Variants in DLGAP2 observed in about 807,000 individuals in gnomAD.
DLGAP2 encodes the protein disks large-associated protein 2.
A neutral mutation model predicts 100.3 loss-of-function variants in DLGAP2; 26 were observed. The ratio of observed to expected loss-of-function variants is 0.26; its 90% confidence interval spans 0.19 to 0.36. DLGAP2 has a LOEUF of 0.36. Ranked by LOEUF, DLGAP2 falls within the 10% of genes least tolerant of loss-of-function variation. DLGAP2 has a pLI of 1.00. For synonymous variants in DLGAP2, 886 were observed against 630.1 expected (o/e 1.41, Z -6.08); for missense variants, 1,858 against 1,453.2 (o/e 1.28, Z -4.53).
intron 2 of DLGAP2, among the ~76,000 whole-genome samples, chr8:1,057,579 G>T (rs1316772186): frequency 6.6e-6 from 1 of 152,142 alleles, no homozygotes; most frequent in Non-Finnish European, 1.5e-5. Context: ...TCTATCTATG[G>T]AAGAAGATTA....
At chr8:763,377 A>G (rs73181007) in intron 1 of DLGAP2, among the ~76,000 whole-genome samples, 25,323 of 152,262 alleles carry the variant, frequency 0.17, 2,579 homozygotes, top group South Asian at 0.26. Context: ...CTCCATGGTT[A>G]TCAGAAAAAC....
At chr8:1,342,529 G>C (rs1585278327) in intron 3 of DLGAP2, among the ~76,000 whole-genome samples, 1 of 152,208 alleles carries the variant, frequency 6.6e-6, no homozygotes. Flanking sequence ...GGGCCGTGCG[G>C]CTCAGTCGCA....
intron 1 of DLGAP2, among the ~76,000 whole-genome samples, chr8:860,806 G>A (rs943748203): frequency 6.6e-6 from 1 of 152,192 alleles, no homozygotes; most frequent in African/African-American, 2.4e-5. Flanking sequence ...CGGGGAGTCA[G>A]TGAGAAAGAC....
intron 3 of DLGAP2, among the ~76,000 whole-genome samples, chr8:1,370,216 C>T (rs1802204863): frequency 6.6e-6 from 1 of 152,144 alleles, no homozygotes; most frequent in Non-Finnish European, 1.5e-5. Context: ...GAGTGGCCGA[C>T]TCTGAAGGCA....
chr8:1,000,653 G>T (rs867269572), intron 2 of DLGAP2, among the ~76,000 whole-genome samples: 1 of 152,178 alleles, frequency 6.6e-6, no homozygotes, highest in Non-Finnish European at 1.5e-5. Flanking sequence ...TTTTCCTCTT[G>T]GTTATGAACT....
Position 977,805 on chromosome 8 carries a change from G to C in DLGAP2, c.73+69839G>C, listed in dbSNP as rs75508396. Reference sequence around the variant, plus strand: ...GCGTCGGGGATGCAGTGAGGTGCTGGGTTCTGGTCTTTGGTGTTGTGGGGA... The same window carrying C: ...GCGTCGGGGATGCAGTGAGGTGCTGCGTTCTGGTCTTTGGTGTTGTGGGGA... On this transcript the variant is annotated intron_variant, in intron 2 of 14. Coordinates refer to ENST00000637795, the MANE Select transcript of DLGAP2 (RefSeq NM_001346810.2). 7.4e-3 allele frequency among the ~76,000 whole-genome samples: 467 copies of C among 62,786 alleles called. 1 individual carries two copies. Among genetic ancestry groups the C allele is most frequent in the African/African-American group, 0.01 (203 of 19,988 alleles). The allele number at this position is 62,786 out of a possible 152,430, so 41.2% of individuals were successfully genotyped here.
intron 2 of DLGAP2, among the ~76,000 whole-genome samples, chr8:1,095,345 T>C (rs1324792229): frequency 6.6e-6 from 1 of 152,192 alleles, no homozygotes; most frequent in Non-Finnish European, 1.5e-5. Context: ...CTGCAGACCC[T>C]GGACACGAGG....
At chr8:1,509,327 C>CTAAAAAAA (rs769352573) in intron 4 of DLGAP2, among the ~76,000 whole-genome samples, 1,336 of 77,238 alleles carry the variant, frequency 0.017, 39 homozygotes, top group African/African-American at 0.058. Flanking sequence ...AAGACTCCGT[C>CTAAAAAAA]CAAAAAAAAA....
intron 4 of DLGAP2, among the ~76,000 whole-genome samples, chr8:1,520,022 C>T (rs10096551): frequency 0.53 from 80,004 of 152,118 alleles, 21,740 homozygotes; most frequent in South Asian, 0.64. Flanking sequence ...TGTGGGCCAT[C>T]GCTGTTGGCT....
At chr8:1,674,293 C>T (rs1217031425) in intron 10 of DLGAP2, among the ~76,000 whole-genome samples, 1 of 152,188 alleles carries the variant, frequency 6.6e-6, no homozygotes, top group Non-Finnish European at 1.5e-5. Flanking sequence ...GATCCTCCTG[C>T]CACAGCCTCC....
At chr8:1,501,493 C>A in intron 4 of DLGAP2, 62 bp downstream of exon 4, 2 of 1,472,950 alleles carry the variant, frequency 1.4e-6, no homozygotes, top group South Asian at 1.2e-5. Context: ...ATGCTCCGGG[C>A]ACCTCCCATC....
intron 2 of DLGAP2, among the ~76,000 whole-genome samples, chr8:1,151,096 A>G (rs1477853936): frequency 6.6e-6 from 1 of 152,022 alleles, no homozygotes; most frequent in African/African-American, 2.4e-5. Flanking sequence ...TTTCATTAAC[A>G]TTTTTTCAGA....
chr8:1,173,316 G>C (rs1178773612), intron 2 of DLGAP2, among the ~76,000 whole-genome samples: 1 of 152,228 alleles, frequency 6.6e-6, no homozygotes, highest in African/African-American at 2.4e-5. Flanking sequence ...CAGTTAGGCT[G>C]CTCAGGGGTC....
chr8:834,168 C>G (rs906317425), intron 1 of DLGAP2, among the ~76,000 whole-genome samples: 1 of 152,216 alleles, frequency 6.6e-6, no homozygotes, highest in African/African-American at 2.4e-5. Context: ...CATTTTGTGT[C>G]TCCACTCATG....
intron 12 of DLGAP2, 158 bp downstream of exon 12, chr8:1,678,787 G>T (rs1382076055): frequency 7.5e-6 from 6 of 798,878 alleles, no homozygotes; most frequent in African/African-American, 7.1e-5. Flanking sequence ...TCTAAGAAAA[G>T]ATATAAATTA....
chr8:738,359 G>C (rs1327727412), intron 1 of DLGAP2, among the ~76,000 whole-genome samples: 1 of 152,038 alleles, frequency 6.6e-6, no homozygotes, highest in African/African-American at 2.4e-5. Context: ...GGGGCGACCA[G>C]GATGGGGCCC....
intron 2 of DLGAP2, among the ~76,000 whole-genome samples, chr8:1,233,576 T>C (rs938850199): frequency 7.2e-5 from 11 of 152,152 alleles, no homozygotes; most frequent in Non-Finnish European, 1.3e-4. Context: ...GGGGACCTGA[T>C]GCAAGGGGCG....
intron 1 of DLGAP2, among the ~76,000 whole-genome samples, chr8:797,608 G>T (rs1796062387): frequency 6.6e-6 from 1 of 152,150 alleles, no homozygotes; most frequent in South Asian, 2.1e-4. Flanking sequence ...GTGAGATGTT[G>T]TAACTTTTGG....
At chr8:1,059,318 A>C (rs1486102397) in intron 2 of DLGAP2, among the ~76,000 whole-genome samples, 1 of 142,148 alleles carries the variant, frequency 7.0e-6, no homozygotes, top group Non-Finnish European at 1.5e-5. Context: ...CTGGGTATGG[A>C]CTCTCCCTGC....
Sources: allele counts gnomAD v4.1 joint callset (sites outside exome capture counted in the v4.1 genomes callset), GRCh38; gene constraint gnomAD v4.1.1; transcripts MANE v1.5; gene names NCBI Gene and HGNC (gene_info 2026-07-23, HGNC 2026-07-21).